Variants in DHCR24 observed in about 807,000 individuals in gnomAD.
DHCR24 encodes the protein delta(24)-sterol reductase.
A neutral mutation model predicts 61.2 loss-of-function variants in DHCR24; 28 were observed. The observed-to-expected ratio is 0.46, with a 90% CI of 0.34 to 0.63. The LOEUF (loss-of-function observed/expected upper bound fraction) is 0.63. Ranked by LOEUF, DHCR24 falls within the 20% of genes least tolerant of loss-of-function variation. DHCR24 has a pLI of 0.01. For synonymous variants in DHCR24, 261 were observed against 275.9 expected (o/e 0.95, Z 0.54); for missense variants, 538 against 679.1 (o/e 0.79, Z 2.31).
rs777625283 is a variant in DHCR24, at chr1:54,858,243, A to AG, written c.1021-4010dup. On this transcript the variant is annotated intron_variant, in intron 6 of 8. Coordinates refer to ENST00000371269, the MANE Select transcript of DHCR24 (RefSeq NM_014762.4). Reference sequence around the variant, plus strand: ...TGGCAGAAGGGAGCTGCCTCATCCAAGGTCAGTCTGCACAATGACTGGTTG... The same window carrying AG: ...TGGCAGAAGGGAGCTGCCTCATCCAAGGGTCAGTCTGCACAATGACTGGTTG... Among the ~76,000 whole-genome samples the AG allele has an allele frequency of 1.2e-3, 178 of 152,382 alleles. 1 individual carries two copies. Among genetic ancestry groups the AG allele is most frequent in the Non-Finnish European group, 1.9e-3 (129 of 68,042 alleles).
At chr1:54,870,292 G>A (rs141340520) in intron 5 of DHCR24, among the ~76,000 whole-genome samples, 123 of 151,878 alleles carry the variant, frequency 8.1e-4, no homozygotes, top group Admixed American at 5.4e-3. Context: ...ACTGTTATAC[G>A]TAAGTGGTTA....
chr1:54,875,224 C>G lies in DHCR24; in HGVS notation c.494-13G>C, dbSNP rs1204864497. 3 of 1,612,350 alleles carry G rather than the reference C, an allele frequency of 1.9e-6. No individual in the cohort carries two copies. Among genetic ancestry groups the G allele is most frequent in the Non-Finnish European group, 2.5e-6 (3 of 1,178,508 alleles). On this transcript the variant is annotated splice_polypyrimidine_tract_variant and intron_variant, in intron 3 of 8. Transcript: ENST00000371269. ...ATGATCAAGCCCCCTGCAGAGACATCACACACAGTGTCAGCAGGGAGAGCT... is the reference window on the plus strand; with the variant it reads ...ATGATCAAGCCCCCTGCAGAGACATGACACACAGTGTCAGCAGGGAGAGCT...
At chr1:54,854,527 T>C (rs1646896307) in intron 6 of DHCR24, among the ~76,000 whole-genome samples, 1 of 152,170 alleles carries the variant, frequency 6.6e-6, no homozygotes, top group Non-Finnish European at 1.5e-5. Flanking sequence ...GAGATATTAA[T>C]ACCAAGTGGA....
chr1:54,887,166 C>T lies in DHCR24; in HGVS notation c.-47G>A. Reference sequence around the variant, plus strand: ...CGCTGCGGGTTCGCGCCTCCTGTCACTGCCGCCAGCTCCGCGCCTGGCCCG... The same window carrying T: ...CGCTGCGGGTTCGCGCCTCCTGTCATTGCCGCCAGCTCCGCGCCTGGCCCG... On this transcript the variant is annotated 5_prime_UTR_variant, in exon 1 of 9. It adds an upstream start codon to the 5' untranslated region. Transcript: ENST00000371269. The T allele has an allele frequency of 6.7e-7, 1 of 1,485,946 alleles. No homozygotes were observed. The highest frequency in any genetic ancestry group is 1.2e-5 in the South Asian group (1 of 82,276). 92.0% of individuals were successfully genotyped at this position (1,485,946 alleles called of 1,614,324 possible). A position where few individuals can be genotyped will look rare whatever the true frequency, so the allele number is the denominator to read the frequency against.
chr1:54,863,074 CAAAAAAAAAAAAAAAA>C (rs5774200), intron 6 of DHCR24, among the ~76,000 whole-genome samples: 1 of 61,406 alleles, frequency 1.6e-5, no homozygotes, highest in African/African-American at 5.5e-5. Context: ...GACTCTGCCT[CAAAAAAAAAAAAAAAA>C]AAAAAAAAAA....
intron 2 of DHCR24, among the ~76,000 whole-genome samples, chr1:54,879,337 A>G (rs1647052727): frequency 6.6e-6 from 1 of 151,468 alleles, no homozygotes; most frequent in African/African-American, 2.4e-5. Context: ...AAAAAAAAAA[A>G]AAAAAAAAAA....
At chr1:54,862,120 A>G (rs904105903) in intron 6 of DHCR24, among the ~76,000 whole-genome samples, 3 of 151,484 alleles carry the variant, frequency 2.0e-5, no homozygotes, top group Admixed American at 6.6e-5. Context: ...CTATCAATAT[A>G]CCCTCTCTTC....
intron 7 of DHCR24, 42 bp from the exon 8 acceptor site, chr1:54,853,654 A>G (rs938070490): frequency 1.3e-6 from 2 of 1,583,946 alleles, no homozygotes; most frequent in African/African-American, 2.7e-5. Flanking sequence ...TTTTTCTCCA[A>G]CAGGTGACAG....
At chr1:54,868,896 G>A (rs979554788) in intron 5 of DHCR24, among the ~76,000 whole-genome samples, 1 of 152,054 alleles carries the variant, frequency 6.6e-6, no homozygotes, top group East Asian at 1.9e-4. Flanking sequence ...GCGAAACCCC[G>A]TCTCTACTAA....
chr1:54,859,506 C>T (rs111622215), intron 6 of DHCR24, among the ~76,000 whole-genome samples: 20 of 151,952 alleles, frequency 1.3e-4, no homozygotes, highest in African/African-American at 3.9e-4. Flanking sequence ...GACAGAGTCT[C>T]GCTGTTGCCC....
intron 6 of DHCR24, among the ~76,000 whole-genome samples, chr1:54,854,711 G>GC (rs1646897059): frequency 6.6e-6 from 1 of 152,192 alleles, no homozygotes; most frequent in African/African-American, 2.4e-5. Flanking sequence ...GGGGCACACA[G>GC]CCAGAGACAG....
intron 2 of DHCR24, 88 bp from the exon 3 acceptor site, chr1:54,876,135 C>T: frequency 3.1e-6 from 3 of 967,384 alleles, no homozygotes; most frequent in South Asian, 2.6e-5. Context: ...TCATCTCAAA[C>T]CTTCCCAAAC....
At chr1:54,886,620 G>C in intron 1 of DHCR24, 1 of 1,473,988 alleles carries the variant, frequency 6.8e-7, no homozygotes, top group Non-Finnish European at 9.0e-7. Context: ...AGAGTTACCT[G>C]AGTGCTTCGC....
At position 54,852,167 on chromosome 1, in the gene DHCR24, C is replaced by G; in HGVS notation, c.*66G>C. 1 of 1,600,456 alleles carries G rather than the reference C, an allele frequency of 6.2e-7. No individual in the cohort carries two copies. The highest frequency in any genetic ancestry group is 8.5e-7 in the Non-Finnish European group (1 of 1,170,898). ...GAAAGTGTGGATCTAGGAAAGCAGC[C>G]AAGCTTGAGTGAAGGGAAGATGCCT... On this transcript the variant is annotated 3_prime_UTR_variant, in exon 9 of 9. Coordinates refer to ENST00000371269, the MANE Select transcript of DHCR24 (RefSeq NM_014762.4).
At chr1:54,871,679 T>A in intron 4 of DHCR24, 66 bp from the exon 5 acceptor site, 1 of 1,608,136 alleles carries the variant, frequency 6.2e-7, no homozygotes, top group South Asian at 1.1e-5. Flanking sequence ...ATGCAGTCAG[T>A]GGGGGAGCAA....
chr1:54,864,366 G>A (rs184033035), intron 6 of DHCR24, among the ~76,000 whole-genome samples: 5 of 152,002 alleles, frequency 3.3e-5, no homozygotes, highest in Admixed American at 6.6e-5. Context: ...CTACTATCCC[G>A]CCATAAAAAG....
At chr1:54,857,646 G>A (rs540022015) in intron 6 of DHCR24, among the ~76,000 whole-genome samples, 1 of 152,292 alleles carries the variant, frequency 6.6e-6, no homozygotes, top group Non-Finnish European at 1.5e-5. Flanking sequence ...TTTAAACAGT[G>A]AACAGTAAAA....
At chr1:54,878,222 T>G (rs1647044727) in intron 2 of DHCR24, among the ~76,000 whole-genome samples, 1 of 150,768 alleles carries the variant, frequency 6.6e-6, no homozygotes, top group Non-Finnish European at 1.5e-5. Context: ...CAACAGGTAA[T>G]AGGCTAGGCA....
chr1:54,865,271 A>G, intron 6 of DHCR24, 32 bp downstream of exon 6: 1 of 1,604,902 alleles, frequency 6.2e-7, no homozygotes, highest in Non-Finnish European at 8.5e-7. Flanking sequence ...GCTGGCCTGG[A>G]GGAGCCAGGG....
Sources: allele counts gnomAD v4.1 joint callset (sites outside exome capture counted in the v4.1 genomes callset), GRCh38; gene constraint gnomAD v4.1.1; transcripts MANE v1.5; gene names NCBI Gene and HGNC (gene_info 2026-07-23, HGNC 2026-07-21).